Variants in DEPDC1B observed in about 807,000 individuals in gnomAD.
The protein encoded by DEPDC1B is DEP domain-containing protein 1B.
Under a neutral mutation model 66.5 loss-of-function variants are expected in DEPDC1B, and 51 were observed. That is an observed-to-expected ratio of 0.77 (90% CI 0.61 to 0.97). The LOEUF (loss-of-function observed/expected upper bound fraction) is 0.97, where lower values mean the gene tolerates loss of function less well. Ranked by LOEUF, DEPDC1B falls within the 50% of genes least tolerant of loss-of-function variation. The probability of loss-of-function intolerance (pLI) is 0.00; values close to 1 mark genes in which losing one functional copy is unlikely to be tolerated. For missense variants in DEPDC1B, 552 were observed against 637.1 expected (o/e 0.87, Z 1.44); for synonymous variants, 226 against 223.6 (o/e 1.01, Z -0.10).
chr5:60,644,942 C>A (rs1454029201), intron 4 of DEPDC1B, 67 bp from the exon 5 acceptor site: 5 of 1,269,922 alleles, frequency 3.9e-6, no homozygotes, highest in Non-Finnish European at 5.3e-6. Context: ...AAACCTGGTA[C>A]TACAAAAAAT....
At chr5:60,670,963 G>A (rs1754021859) in intron 2 of DEPDC1B, among the ~76,000 whole-genome samples, 2 of 151,252 alleles carry the variant, frequency 1.3e-5, no homozygotes, top group Admixed American at 1.3e-4. Flanking sequence ...TCGGGGCAGG[G>A]AGAAACACCT....
chr5:60,629,063 G>A (rs1219827279), intron 7 of DEPDC1B, among the ~76,000 whole-genome samples: 2 of 152,116 alleles, frequency 1.3e-5, no homozygotes, highest in Admixed American at 1.3e-4. Context: ...CCCTGTCCTG[G>A]GGTAAAAACA....
chr5:60,634,435 G>T (rs886826205), intron 7 of DEPDC1B, among the ~76,000 whole-genome samples: 6 of 152,282 alleles, frequency 3.9e-5, no homozygotes, highest in African/African-American at 1.4e-4. Flanking sequence ...CATTTTGGGA[G>T]GCCGAGGCGG....
chr5:60,643,803 C>G (rs1753245499), intron 5 of DEPDC1B, among the ~76,000 whole-genome samples: 1 of 152,108 alleles, frequency 6.6e-6, no homozygotes, highest in Non-Finnish European at 1.5e-5. Flanking sequence ...ACTTATTTGT[C>G]TCTCATTGTC....
intron 2 of DEPDC1B, among the ~76,000 whole-genome samples, chr5:60,678,339 G>T (rs772284388): frequency 1.3e-5 from 2 of 152,114 alleles, no homozygotes; most frequent in Non-Finnish European, 2.9e-5. Context: ...GAATGTTTAG[G>T]TTATTTCCAG....
chr5:60,648,978 G>A (rs1325649809), intron 2 of DEPDC1B, among the ~76,000 whole-genome samples: 1 of 152,136 alleles, frequency 6.6e-6, no homozygotes, highest in African/African-American at 2.4e-5. Context: ...CTCACATACA[G>A]GTAGGATATT....
chr5:60,631,680 G>A (rs1752928728), intron 7 of DEPDC1B, among the ~76,000 whole-genome samples: 1 of 152,082 alleles, frequency 6.6e-6, no homozygotes, highest in Non-Finnish European at 1.5e-5. Context: ...TCTCCAAATG[G>A]GCCACTCTTC....
intron 7 of DEPDC1B, among the ~76,000 whole-genome samples, chr5:60,621,939 T>G (rs568789396): frequency 3.3e-5 from 5 of 152,284 alleles, no homozygotes; most frequent in African/African-American, 9.6e-5. Context: ...TTTTGACTTC[T>G]TTATTACCTT....
chr5:60,601,850 T>G, intron 9 of DEPDC1B, among the ~76,000 whole-genome samples: 1 of 152,206 alleles, frequency 6.6e-6, no homozygotes. Flanking sequence ...ATCACATGTT[T>G]TAATTCCCCA....
rs376511363 is a variant in DEPDC1B at position 60,656,149 on chromosome 5, G to GT, written c.315-8617dup. ...TTAAGTCCATTTGTCCTAAGGTATAGTTTAAGTCCATTTTTTTTTTTTTTT... is the reference window on the plus strand; with the variant it reads ...TTAAGTCCATTTGTCCTAAGGTATAGTTTTAAGTCCATTTTTTTTTTTTTTT... On this transcript the variant is annotated intron_variant, in intron 2 of 10. Coordinates refer to ENST00000265036, the MANE Select transcript of DEPDC1B (RefSeq NM_018369.3). Among the ~76,000 whole-genome samples, 299 of 144,810 alleles carry GT rather than the reference G, an allele frequency of 2.1e-3. 4 individuals carry two copies. The highest frequency in any genetic ancestry group is 7.9e-3 in the African/African-American group (296 of 37,528).
chr5:60,619,483 T>C (rs1277638004), intron 7 of DEPDC1B, among the ~76,000 whole-genome samples: 1 of 152,200 alleles, frequency 6.6e-6, no homozygotes, highest in Non-Finnish European at 1.5e-5. Flanking sequence ...CAAGCATTCT[T>C]ATACACCAAT....
At position 60,666,042 on chromosome 5, in the gene DEPDC1B, G is replaced by A. The variant is rs183448283; in HGVS notation, c.315-18509C>T. On this transcript the variant is annotated intron_variant, in intron 2 of 10. Transcript: ENST00000265036. Reference sequence around the variant, plus strand: ...TTGCAACTGCACACTCTTCTGGTCCGCGTTTGTTACAGCTCGAGCTGAGCT... The same window carrying A: ...TTGCAACTGCACACTCTTCTGGTCCACGTTTGTTACAGCTCGAGCTGAGCT... Among the ~76,000 whole-genome samples, 296 of 152,258 alleles carry A rather than the reference G, an allele frequency of 1.9e-3. 1 individual carries two copies. The highest frequency in any genetic ancestry group is 6.8e-3 in the African/African-American group (282 of 41,554).
chr5:60,626,194 G>A (rs911176925), intron 7 of DEPDC1B, among the ~76,000 whole-genome samples: 2 of 152,004 alleles, frequency 1.3e-5, no homozygotes. Context: ...CATAAAAATG[G>A]AATCTTTTAC....
intron 2 of DEPDC1B, among the ~76,000 whole-genome samples, chr5:60,679,354 G>A (rs1754240440): frequency 6.6e-6 from 1 of 152,104 alleles, no homozygotes; most frequent in African/African-American, 2.4e-5. Flanking sequence ...TTTACATTAA[G>A]AACTGTGAAA....
chr5:60,614,529 T>C lies in DEPDC1B; in HGVS notation c.899-8673A>G, dbSNP rs537153413. 2.0e-5 allele frequency among the ~76,000 whole-genome samples: 3 copies of C among 152,336 alleles called. No homozygotes were observed. The East Asian group carries it at 5.8e-4, about 29-fold the overall frequency. ...TAAAGTTTGTTTATATTTGTTTATG[T>C]TTCTAAGCCCCTGCTTAATCTCTTC... On this transcript the variant is annotated intron_variant, in intron 7 of 10. Transcript: ENST00000265036.
rs569301207 is a variant in DEPDC1B, at chr5:60,674,801, T to C, written c.314+12161A>G. Among the ~76,000 whole-genome samples the C allele has an allele frequency of 3.1e-4, 47 of 152,166 alleles. 2 individuals are homozygous for C. In the South Asian group the frequency reaches 9.4e-3, roughly 30 times the overall value. On this transcript the variant is annotated intron_variant, in intron 2 of 10. Coordinates refer to ENST00000265036, the MANE Select transcript of DEPDC1B (RefSeq NM_018369.3). The stretch of plus-strand genomic sequence containing the variant: ...CTGGCTGATTTAACCATAAAGGAAT[T>C]TGGAGATACCAAATAGAACACAAAA...
chr5:60,613,674 G>C (rs1350420060), intron 7 of DEPDC1B, among the ~76,000 whole-genome samples: 2 of 152,078 alleles, frequency 1.3e-5, no homozygotes, highest in African/African-American at 2.4e-5. Context: ...TTTTAAGTCT[G>C]TATTTGAATA....
intron 7 of DEPDC1B, among the ~76,000 whole-genome samples, chr5:60,633,958 TGTTGG>T (rs1298754738): frequency 2.0e-5 from 3 of 152,102 alleles, no homozygotes; most frequent in African/African-American, 4.8e-5. Flanking sequence ...GGAAGCACAA[TGTTGG>T]GTGTGTGAGA....
At chr5:60,669,082 C>G (rs1561385566) in intron 2 of DEPDC1B, among the ~76,000 whole-genome samples, 3 of 152,176 alleles carry the variant, frequency 2.0e-5, no homozygotes, top group Non-Finnish European at 4.4e-5. Context: ...CTCCTAGTGC[C>G]ACCACCACTG....
Sources: gnomAD v4.1 joint callset for allele counts (sites outside exome capture counted in the v4.1 genomes callset) on GRCh38, gnomAD v4.1.1 for gene constraint, MANE v1.5 for transcripts, NCBI Gene and HGNC (gene_info 2026-07-23, HGNC 2026-07-21) for gene names.